KIF26B: variants seen among roughly 807,000 people sequenced by gnomAD.
KIF26B encodes the protein kinesin-like protein KIF26B.
Under a neutral mutation model 151.2 loss-of-function variants are expected in KIF26B, and 63 were observed. That is an observed-to-expected ratio of 0.42 (90% CI 0.34 to 0.51). KIF26B has a LOEUF of 0.51. Among genes scored for constraint, KIF26B ranks in the 20% least tolerant of loss-of-function variants. KIF26B has a pLI of 0.07. For synonymous variants in KIF26B, 1,357 were observed against 1,262.1 expected, an observed-to-expected ratio of 1.08 and a Z score of -1.59; for missense variants, 2,813 against 2,913.6, an observed-to-expected ratio of 0.97 and a Z score of 0.79.
At chr1:245,276,855 C>T (rs1460942188) in intron 2 of KIF26B, among the ~76,000 whole-genome samples, 3 of 152,108 alleles carry the variant, frequency 2.0e-5, no homozygotes, top group Non-Finnish European at 4.4e-5. Context: ...CCTATTTTGC[C>T]ATGTTGCCGA....
At chr1:245,576,359 C>T (rs146933014) in intron 5 of KIF26B, among the ~76,000 whole-genome samples, 194 of 152,250 alleles carry the variant, frequency 1.3e-3, no homozygotes, top group African/African-American at 4.5e-3. Flanking sequence ...CTCCTCAGCT[C>T]CCCCAGAACT....
chr1:245,445,920 G>A (rs1302636164), intron 4 of KIF26B, among the ~76,000 whole-genome samples: 1 of 152,064 alleles, frequency 6.6e-6, no homozygotes, highest in Non-Finnish European at 1.5e-5. Flanking sequence ...TGAATTCCAG[G>A]GACTGTGTTC....
At chr1:245,520,583 TCCATCCATCCATCCATCCACCCACCCAC>T (rs1661074263) in intron 4 of KIF26B, among the ~76,000 whole-genome samples, 1 of 63,528 alleles carries the variant, frequency 1.6e-5, no homozygotes, top group Non-Finnish European at 4.5e-5. Context: ...CATCCATCCA[TCCATCCATCCATCCATCCACCCACCCAC>T]CCATCCATCC....
chr1:245,205,716 T>C (rs1573707300), intron 2 of KIF26B, among the ~76,000 whole-genome samples: 1 of 812 alleles, frequency 1.2e-3, no homozygotes, highest in Non-Finnish European at 0.1. Context: ...TTTCTTTTCT[T>C]TTTTTTTTTT....
intron 4 of KIF26B, among the ~76,000 whole-genome samples, chr1:245,484,763 C>CATATTATTATTATTA (rs1273792940): frequency 4.8e-5 from 6 of 124,690 alleles, no homozygotes; most frequent in Non-Finnish European, 6.8e-5. Flanking sequence ...TCTTCTTCTT[C>CATATTATTATTATTA]TTCATATTAT....
chr1:245,208,612 G>C (rs145499946), intron 2 of KIF26B, among the ~76,000 whole-genome samples: 2 of 152,154 alleles, frequency 1.3e-5, no homozygotes, highest in African/African-American at 4.8e-5. Context: ...AGCGGATGTC[G>C]ATAGTGAGAA....
chr1:245,347,514 G>A (rs150733887), intron 2 of KIF26B, among the ~76,000 whole-genome samples: 1 of 151,958 alleles, frequency 6.6e-6, no homozygotes, highest in South Asian at 2.1e-4. Context: ...GAGAGATGGG[G>A]TCTTGCTACA....
In KIF26B at chr1:245,559,430, C is replaced by T. The variant is rs549374406; in HGVS notation, c.1350+18480C>T. Reference sequence around the variant, plus strand: ...TTTTTTTTGGTTTTTGGGTTTTTGTCGAGACGGAGTCTTGCTCTGTCGCCC... The same window carrying T: ...TTTTTTTTGGTTTTTGGGTTTTTGTTGAGACGGAGTCTTGCTCTGTCGCCC... On this transcript the variant is annotated intron_variant, in intron 5 of 14. Transcript: ENST00000407071. Among the ~76,000 whole-genome samples the T allele has an allele frequency of 1.2e-3, 185 of 151,664 alleles. 1 individual carries two copies. The highest frequency in any genetic ancestry group is 2.2e-3 in the Non-Finnish European group (146 of 67,902).
intron 2 of KIF26B, among the ~76,000 whole-genome samples, chr1:245,266,668 G>A (rs576261311): frequency 3.0e-4 from 45 of 152,140 alleles, no homozygotes; most frequent in African/African-American, 9.4e-4. Flanking sequence ...CACCACGCCC[G>A]GCTAATTTTT....
intron 3 of KIF26B, among the ~76,000 whole-genome samples, chr1:245,370,899 G>T (rs1673103510): frequency 6.6e-6 from 1 of 152,228 alleles, no homozygotes; most frequent in Admixed American, 6.5e-5. Flanking sequence ...GGTGGGTGGG[G>T]CCGCAGCCTT....
intron 10 of KIF26B, among the ~76,000 whole-genome samples, chr1:245,664,939 G>C (rs1314634830): frequency 6.6e-6 from 1 of 152,082 alleles, no homozygotes; most frequent in Non-Finnish European, 1.5e-5. Flanking sequence ...TTTGATAACT[G>C]TGGCTTCTGT....
At chr1:245,269,605 T>C (rs182376530) in intron 2 of KIF26B, among the ~76,000 whole-genome samples, 3 of 151,880 alleles carry the variant, frequency 2.0e-5, no homozygotes, top group African/African-American at 4.8e-5. Flanking sequence ...GCTGGAATTA[T>C]AGGCGCCTGC....
rs575135574 is a variant in KIF26B, at chr1:245,678,731, T to G, written c.2259-5502T>G. Among the ~76,000 whole-genome samples the G allele has an allele frequency of 1.8e-4, 27 of 152,072 alleles. 1 individual carries two copies. The highest frequency in any genetic ancestry group is 4.4e-5 in the Non-Finnish European group (3 of 67,990). On this transcript the variant is annotated intron_variant, in intron 10 of 14. Transcript: ENST00000407071. Reference sequence around the variant, plus strand: ...TACAAAAAATTGCTGGGCGTGGTGGTGCATGCCTGTAGTTCCAGCTACTCA... The same window carrying G: ...TACAAAAAATTGCTGGGCGTGGTGGGGCATGCCTGTAGTTCCAGCTACTCA...
intron 4 of KIF26B, among the ~76,000 whole-genome samples, chr1:245,510,414 C>T (rs1660806804): frequency 6.6e-6 from 1 of 152,120 alleles, no homozygotes; most frequent in Non-Finnish European, 1.5e-5. Flanking sequence ...GCTTTGTCTG[C>T]ACATACGTGG....
chr1:245,436,987 A>G (rs1487571890), intron 4 of KIF26B, among the ~76,000 whole-genome samples: 1 of 150,048 alleles, frequency 6.7e-6, no homozygotes, highest in African/African-American at 2.4e-5. Flanking sequence ...CCTGGGTTCA[A>G]GTGATTCTCC....
intron 4 of KIF26B, among the ~76,000 whole-genome samples, chr1:245,524,660 A>G (rs1336836325): frequency 1.3e-5 from 2 of 152,234 alleles, no homozygotes; most frequent in Non-Finnish European, 2.9e-5. Context: ...TATGTTAACT[A>G]TTAACCTCTA....
At chr1:245,579,496 TCTAAAAAAAGA>T (rs1440761762) in intron 5 of KIF26B, among the ~76,000 whole-genome samples, 5 of 151,306 alleles carry the variant, frequency 3.3e-5, no homozygotes, top group African/African-American at 1.2e-4. Flanking sequence ...AGACTCTGTC[TCTAAAAAAAGA>T]AAATTTAAAA....
chr1:245,268,333 A>G (rs941233942), intron 2 of KIF26B, among the ~76,000 whole-genome samples: 4 of 151,860 alleles, frequency 2.6e-5, no homozygotes, highest in South Asian at 2.1e-4. Context: ...TTAGCCAGGC[A>G]TGGTGGCACA....
intron 4 of KIF26B, among the ~76,000 whole-genome samples, chr1:245,524,346 G>T (rs1369679914): frequency 6.6e-6 from 1 of 152,144 alleles, no homozygotes; most frequent in African/African-American, 2.4e-5. Context: ...GCAGAGGCAG[G>T]ATTTGAACCA....
Sources: gnomAD v4.1 joint callset for allele counts (sites outside exome capture counted in the v4.1 genomes callset) on GRCh38, gnomAD v4.1.1 for gene constraint, MANE v1.5 for transcripts, NCBI Gene and HGNC (gene_info 2026-07-23, HGNC 2026-07-21) for gene names.